The following ADAMTS6 variants were observed in gnomAD, a reference collection of about 807,000 sequenced individuals.
The protein encoded by ADAMTS6 is ADAM metallopeptidase with thrombospondin type 1 motif 6.
A neutral mutation model predicts 144.3 loss-of-function variants in ADAMTS6; 23 were observed. That is an observed-to-expected ratio of 0.16 (90% CI 0.11 to 0.23). The LOEUF is 0.23. Ranked by LOEUF, ADAMTS6 falls within the 10% of genes least tolerant of loss-of-function variation. ADAMTS6 has a pLI of 1.00. For synonymous variants in ADAMTS6, 444 were observed against 457.5 expected, an observed-to-expected ratio of 0.97 and a Z score of 0.38; for missense variants, 999 against 1,379.6, an observed-to-expected ratio of 0.72 and a Z score of 4.37.
chr5:65,395,708 A>C (rs912310009), intron 7 of ADAMTS6, among the ~76,000 whole-genome samples: 2 of 152,194 alleles, frequency 1.3e-5, no homozygotes, highest in South Asian at 4.1e-4. Flanking sequence ...TCCTGTACTT[A>C]ATGGGCTGTT....
In ADAMTS6 at chr5:65,188,079, G is replaced by T; in HGVS notation, c.2847C>A (p.Val949=). 1 of 1,614,014 alleles carries T rather than the reference G, an allele frequency of 6.2e-7. No homozygotes were observed. The highest frequency in any genetic ancestry group is 1.1e-5 in the South Asian group (1 of 91,070). The change falls in exon 22 of 25, where the codon GTC becomes GTA. Residue 949 remains valine, a synonymous_variant. Transcript: ENST00000381055. ...DYSGCLTHRP[V]EKEPCNNQSC... Reference sequence around the variant, plus strand: ...ACTGGTTGTTGCAGGGCTCTTTTTCGACAGGCCGGTGTGTTAAACAACCAC... The same window carrying T: ...ACTGGTTGTTGCAGGGCTCTTTTTCTACAGGCCGGTGTGTTAAACAACCAC...
intron 12 of ADAMTS6, among the ~76,000 whole-genome samples, chr5:65,265,363 G>A (rs985225848): frequency 6.6e-6 from 1 of 152,010 alleles, no homozygotes; most frequent in Non-Finnish European, 1.5e-5. Flanking sequence ...GAAAACTTAC[G>A]ACTTAGCTAG....
chr5:65,439,850 CT>C, intron 7 of ADAMTS6, among the ~76,000 whole-genome samples: 1 of 152,264 alleles, frequency 6.6e-6, no homozygotes, highest in East Asian at 1.9e-4. Context: ...GTCACCCAGG[CT>C]GCAGTGTAGT....
At chr5:65,385,340 T>C (rs1022742419) in intron 7 of ADAMTS6, among the ~76,000 whole-genome samples, 10 of 152,330 alleles carry the variant, frequency 6.6e-5, no homozygotes, top group African/African-American at 2.4e-4. Flanking sequence ...CACAGTAGCA[T>C]AAAATAAACA....
At chr5:65,334,261 A>C (rs977823854) in intron 7 of ADAMTS6, among the ~76,000 whole-genome samples, 176 bp from the exon 8 acceptor site, 2 of 152,128 alleles carry the variant, frequency 1.3e-5, no homozygotes, top group African/African-American at 4.8e-5. Context: ...CACAGGCAGC[A>C]CTACACTCAC....
chr5:65,417,003 A>G (rs1301466452), intron 7 of ADAMTS6, among the ~76,000 whole-genome samples: 1 of 152,140 alleles, frequency 6.6e-6, no homozygotes, highest in Non-Finnish European at 1.5e-5. Flanking sequence ...AACTGAATTC[A>G]ACAGCATAAC....
chr5:65,267,504 T>C (rs1241820887), intron 12 of ADAMTS6, among the ~76,000 whole-genome samples: 1 of 152,132 alleles, frequency 6.6e-6, no homozygotes, highest in Non-Finnish European at 1.5e-5. Context: ...TCTAGAAAGA[T>C]GGTATATTCC....
At chr5:65,275,446 AAGAG>A (rs536529511) in intron 11 of ADAMTS6, among the ~76,000 whole-genome samples, 2 of 150,954 alleles carry the variant, frequency 1.3e-5, no homozygotes, top group Non-Finnish European at 3.0e-5. Context: ...AGAAAAAAGA[AAGAG>A]AAAGAAAGAA....
chr5:65,234,491 G>A (rs1348856053), intron 15 of ADAMTS6, among the ~76,000 whole-genome samples: 1 of 150,564 alleles, frequency 6.6e-6, no homozygotes, highest in African/African-American at 2.4e-5. Context: ...ATGGCAACAG[G>A]TACATGAAAA....
intron 10 of ADAMTS6, among the ~76,000 whole-genome samples, chr5:65,295,212 A>G (rs1359096987): frequency 3.3e-5 from 5 of 152,116 alleles, no homozygotes; most frequent in Admixed American, 2.0e-4. Flanking sequence ...GTGTAAATCT[A>G]TTAGGTCGGT....
intron 7 of ADAMTS6, among the ~76,000 whole-genome samples, chr5:65,388,504 G>A (rs1752656569): frequency 6.6e-6 from 1 of 152,096 alleles, no homozygotes; most frequent in Non-Finnish European, 1.5e-5. Context: ...AAAAGCACGC[G>A]ATTAAATGTA....
In ADAMTS6 at chr5:65,170,478, C is replaced by T. The variant is rs1286023825; in HGVS notation, c.3244+139G>A. The T allele has an allele frequency of 1.6e-5, 15 of 937,004 alleles. No homozygotes were observed. In the African/African-American group the frequency reaches 2.1e-4, roughly 13 times the overall value. The allele number at this position is 937,004 out of a possible 1,614,324, so 58.0% of individuals were successfully genotyped here. A position where few individuals can be genotyped will look rare whatever the true frequency, so the allele number is the denominator to read the frequency against. On this transcript the variant is annotated intron_variant, in intron 24 of 24. Coordinates refer to ENST00000381055, the MANE Select transcript of ADAMTS6 (RefSeq NM_197941.4). ...GGAAAAAACTTGGGTTTCCTGATTG[C>T]TGTCTGCATATAAGCAGCTTTCACA... is the stretch of plus-strand genomic sequence containing the variant.
intron 7 of ADAMTS6, among the ~76,000 whole-genome samples, chr5:65,417,022 A>C (rs1580658542): frequency 6.6e-6 from 1 of 152,142 alleles, no homozygotes; most frequent in African/African-American, 2.4e-5. Context: ...ACAAAAAGTT[A>C]ATTCACCATG....
intron 11 of ADAMTS6, 47 bp downstream of exon 11, chr5:65,291,282 G>A (rs367716236): frequency 6.4e-7 from 1 of 1,569,608 alleles, no homozygotes; most frequent in African/African-American, 1.4e-5. Context: ...TCTGTGTCAT[G>A]GAAGAACACG....
chr5:65,243,900 C>G (rs1759417709), intron 14 of ADAMTS6, among the ~76,000 whole-genome samples: 1 of 151,578 alleles, frequency 6.6e-6, no homozygotes, highest in African/African-American at 2.4e-5. Context: ...CACCAGTCAC[C>G]TAAAGTTCAT....
intron 9 of ADAMTS6, among the ~76,000 whole-genome samples, chr5:65,302,902 T>A (rs937569962): frequency 6.6e-6 from 1 of 152,146 alleles, no homozygotes; most frequent in Non-Finnish European, 1.5e-5. Flanking sequence ...CGACTCCTTA[T>A]GCACTCTTTT....
At chr5:65,179,162 C>T (rs937845171) in intron 22 of ADAMTS6, among the ~76,000 whole-genome samples, 4 of 152,236 alleles carry the variant, frequency 2.6e-5, no homozygotes, top group African/African-American at 9.6e-5. Context: ...AGGACTTCAA[C>T]TGACCTTCCT....
chr5:65,286,108 A>G (rs775600773), intron 11 of ADAMTS6, among the ~76,000 whole-genome samples: 4 of 152,230 alleles, frequency 2.6e-5, no homozygotes, highest in African/African-American at 4.8e-5. Flanking sequence ...ACAGAGGTTC[A>G]TAGAGGAAAT....
Position 65,201,217 on chromosome 5 carries a change from G to A in ADAMTS6, c.2576-4066C>T, listed in dbSNP as rs575683813. Among the ~76,000 whole-genome samples, 3 of 152,254 alleles carry A rather than the reference G, an allele frequency of 2.0e-5. No individual in the cohort carries two copies. In the South Asian group the frequency reaches 6.2e-4, roughly 32 times the overall value. On this transcript the variant is annotated intron_variant, in intron 20 of 24. Transcript: ENST00000381055. ...ACTCTAGGGGGTGGTGATGGTTCAAGTGAGTCCCAGTCTGAGCAAAGAGTT... is the reference window on the plus strand; with the variant it reads ...ACTCTAGGGGGTGGTGATGGTTCAAATGAGTCCCAGTCTGAGCAAAGAGTT...
Sources: allele counts gnomAD v4.1 joint callset (sites outside exome capture counted in the v4.1 genomes callset), GRCh38; gene constraint gnomAD v4.1.1; transcripts MANE v1.5; gene names NCBI Gene and HGNC (gene_info 2026-07-23, HGNC 2026-07-21).